SPON1: variants seen among roughly 807,000 people sequenced by gnomAD.
SPON1 encodes spondin-1.
SPON1 carries 52 observed loss-of-function variants against 111.7 expected under a neutral mutation model. The ratio of observed to expected loss-of-function variants is 0.47; its 90% CI spans 0.37 to 0.59. SPON1 has a LOEUF of 0.59. Among genes scored for constraint, SPON1 ranks in the 20% least tolerant of loss-of-function variants. The probability of loss-of-function intolerance (pLI) is 0.00; values close to 1 mark genes in which losing one functional copy is unlikely to be tolerated. For missense variants in SPON1, 957 were observed against 1,068.5 expected, an observed-to-expected ratio of 0.90 and a Z score of 1.46; for synonymous variants, 410 against 395.8, an observed-to-expected ratio of 1.04 and a Z score of -0.43.
intron 6 of SPON1, among the ~76,000 whole-genome samples, chr11:14,147,139 C>T (rs1453425677): frequency 7.0e-6 from 1 of 143,076 alleles, no homozygotes; most frequent in African/African-American, 2.6e-5. Context: ...AAGCAATTCT[C>T]CTGTCTCAGC....
chr11:14,197,610 C>T (rs1405793110), intron 6 of SPON1, among the ~76,000 whole-genome samples: 1 of 148,472 alleles, frequency 6.7e-6, no homozygotes, highest in Non-Finnish European at 1.5e-5. Flanking sequence ...CAAGACCATT[C>T]TGGCTAATGC....
chr11:14,199,533 T>A (rs1236120611), intron 6 of SPON1, among the ~76,000 whole-genome samples: 1 of 152,046 alleles, frequency 6.6e-6, no homozygotes, highest in African/African-American at 2.4e-5. Flanking sequence ...TTTCTCCCTG[T>A]CTCCCATTCC....
chr11:14,023,059 GGGAGCTCTGCTTGTTTAAGGAACT>G (rs1256950020), intron 2 of SPON1, among the ~76,000 whole-genome samples: 2 of 152,178 alleles, frequency 1.3e-5, no homozygotes, highest in Admixed American at 6.5e-5. Flanking sequence ...CTGAGGTGGA[GGGAGCTCTGCTTGTTTAAGGAACT>G]GGAGCTCGGT....
chr11:14,208,190 C>CTG (rs1848535429), intron 6 of SPON1, among the ~76,000 whole-genome samples: 1 of 152,070 alleles, frequency 6.6e-6, no homozygotes, highest in African/African-American at 2.4e-5. Context: ...ACAATGCATG[C>CTG]TGGGGCCTAT....
intron 14 of SPON1, among the ~76,000 whole-genome samples, chr11:14,262,153 A>G (rs1161383614): frequency 1.2e-4 from 19 of 152,174 alleles, no homozygotes; most frequent in Admixed American, 1.2e-3. Flanking sequence ...TGAATGTCCC[A>G]TTTCTGGCTC....
At chr11:13,978,699 C>T (rs1295722794) in intron 1 of SPON1, among the ~76,000 whole-genome samples, 1 of 152,176 alleles carries the variant, frequency 6.6e-6, no homozygotes, top group Non-Finnish European at 1.5e-5. Context: ...GGAAACATCA[C>T]ACAAACGGTG....
chr11:14,185,133 T>C (rs6486178), intron 6 of SPON1, among the ~76,000 whole-genome samples: 123,637 of 152,240 alleles, frequency 0.81, 50,211 homozygotes, highest in Middle Eastern at 0.88. Flanking sequence ...GCCAATGCAA[T>C]GCACATGCTT....
At position 14,203,364 on chromosome 11, in the gene SPON1, T is replaced by C. The variant is rs77575321; in HGVS notation, c.826-39968T>C. Among the ~76,000 whole-genome samples, 3 of 152,282 alleles carry C rather than the reference T, an allele frequency of 2.0e-5. No individual in the cohort carries two copies. In the East Asian group the frequency reaches 5.8e-4, roughly 29 times the overall value. ...GGCTGCTGGCACTTACTGGGTCTTG[T>C]CGTTAGGTGGGCTGCTTTTAATACC... On this transcript the variant is annotated intron_variant, in intron 6 of 15. Coordinates refer to ENST00000576479, the MANE Select transcript of SPON1 (RefSeq NM_006108.4).
chr11:14,205,783 T>C (rs1305468461), intron 6 of SPON1, among the ~76,000 whole-genome samples: 1 of 152,202 alleles, frequency 6.6e-6, no homozygotes, highest in Non-Finnish European at 1.5e-5. Context: ...GGCCTCCACA[T>C]GGAGGCCTGA....
intron 6 of SPON1, among the ~76,000 whole-genome samples, chr11:14,166,789 C>A (rs944655086): frequency 6.6e-6 from 1 of 152,154 alleles, no homozygotes; most frequent in Non-Finnish European, 1.5e-5. Context: ...CAAACACAGT[C>A]CAAAGTAAAC....
intron 6 of SPON1, among the ~76,000 whole-genome samples, chr11:14,187,014 G>A (rs1848292597): frequency 6.6e-6 from 1 of 152,170 alleles, no homozygotes; most frequent in Admixed American, 6.6e-5. Flanking sequence ...TTTGGCTCAT[G>A]GCTCTGCAGG....
intron 6 of SPON1, among the ~76,000 whole-genome samples, chr11:14,200,771 C>T (rs577659212): frequency 7.4e-5 from 10 of 135,536 alleles, no homozygotes; most frequent in Non-Finnish European, 1.1e-4. Context: ...GCCAAGATCA[C>T]GCCACTGCAC....
intron 6 of SPON1, among the ~76,000 whole-genome samples, chr11:14,241,733 G>A (rs1191225195): frequency 3.3e-5 from 5 of 152,176 alleles, no homozygotes; most frequent in Admixed American, 6.5e-5. Flanking sequence ...ATGACTTCAA[G>A]ATAAACAACT....
intron 3 of SPON1, among the ~76,000 whole-genome samples, chr11:14,064,093 G>A (rs55927091): frequency 4.4e-4 from 67 of 152,316 alleles, no homozygotes; most frequent in African/African-American, 1.6e-3. Context: ...TATTGAAAAT[G>A]TATCACATCA....
chr11:13,976,046 C>T (rs1217531083), intron 1 of SPON1, among the ~76,000 whole-genome samples: 1 of 152,134 alleles, frequency 6.6e-6, no homozygotes, highest in African/African-American at 2.4e-5. Context: ...ATTTATTTAA[C>T]TCTACGTTCC....
chr11:13,984,223 C>T (rs1467540850), intron 2 of SPON1, among the ~76,000 whole-genome samples: 7 of 152,064 alleles, frequency 4.6e-5, no homozygotes, highest in Non-Finnish European at 8.8e-5. Context: ...TCAAAACAAC[C>T]CTAGTATGTA....
In SPON1 at chr11:14,011,957, AG is replaced by A. The variant is rs150138433; in HGVS notation, c.345+29005del. On this transcript the variant is annotated intron_variant, in intron 2 of 15. Transcript: ENST00000576479. ...TCAGTTTCCCTGTGTGTAAAATGGCAGTAATAGTAGCCTCCTCAAAGGAAGG... is the reference window on the plus strand; with the variant it reads ...TCAGTTTCCCTGTGTGTAAAATGGCATAATAGTAGCCTCCTCAAAGGAAGG... Among the ~76,000 whole-genome samples, 802 of 152,282 alleles carry A rather than the reference AG, an allele frequency of 5.3e-3. 9 individuals are homozygous for A. Among genetic ancestry groups the A allele is most frequent in the African/African-American group, 0.018 (741 of 41,550 alleles).
At chr11:13,977,524 G>A (rs1848111971) in intron 1 of SPON1, among the ~76,000 whole-genome samples, 1 of 151,988 alleles carries the variant, frequency 6.6e-6, no homozygotes, top group East Asian at 1.9e-4. Context: ...TTTTTCTTCT[G>A]TTGAGTTGTC....
In SPON1 at chr11:14,259,564, G is replaced by GCGAGTGGGA; in HGVS notation, c.1701_1709dup (p.Trp567_Glu569dup). On this transcript the variant is annotated inframe_insertion, in exon 13 of 16. Coordinates refer to ENST00000576479, the MANE Select transcript of SPON1 (RefSeq NM_006108.4). This position sits in a 1 kb window ranked among gnomAD's most constrained non-coding sequence, Gnocchi z 5.0. ...AGCAGCTGCCTGATGACCGAGTGGGGCGAGTGGGACGAGTGCAGCGCCACC... is the reference window on the plus strand; with the variant it reads ...AGCAGCTGCCTGATGACCGAGTGGGGCGAGTGGGACGAGTGGGACGAGTGCAGCGCCACC... 3 of 1,553,600 alleles carry GCGAGTGGGA rather than the reference G, an allele frequency of 1.9e-6. No homozygotes were observed. Among genetic ancestry groups the GCGAGTGGGA allele is most frequent in the Non-Finnish European group, 1.7e-6 (2 of 1,148,638 alleles).
Sources: gnomAD v4.1 joint callset for allele counts (sites outside exome capture counted in the v4.1 genomes callset) on GRCh38, gnomAD v4.1.1 for gene constraint, Gnocchi (gnomAD v3.1) non-coding constraint, MANE v1.5 for transcripts, NCBI Gene and HGNC (gene_info 2026-07-23, HGNC 2026-07-21) for gene names.